CASP8: variants seen among roughly 807,000 people sequenced by gnomAD.
CASP8 encodes caspase 8.
A neutral mutation model predicts 46.3 loss-of-function variants in CASP8; 24 were observed. That is an observed-to-expected ratio of 0.52 (90% CI 0.38 to 0.73). The LOEUF (loss-of-function observed/expected upper bound fraction) is 0.73, where lower values mean the gene tolerates loss of function less well. Ranked by LOEUF, CASP8 falls within the 30% of genes least tolerant of loss-of-function variation. CASP8 has a pLI of 0.00. For missense variants in CASP8, 460 were observed against 559.0 expected (o/e 0.82, Z 1.79); for synonymous variants, 188 against 200.4 (o/e 0.94, Z 0.52).
chr2:201,256,307 G>A (rs561020103), upstream of CASP8, among the ~76,000 whole-genome samples: 43 of 152,346 alleles, frequency 2.8e-4, no homozygotes, highest in African/African-American at 8.9e-4. Context: ...CTGACTGAGC[G>A]TGGCCAAGTC....
intron 2 of CASP8, among the ~76,000 whole-genome samples, chr2:201,247,628 G>A (rs776838036): frequency 3.3e-4 from 50 of 150,398 alleles, no homozygotes; most frequent in Admixed American, 1.2e-3. Context: ...ACAAGCGTGT[G>A]CCACCATTCC....
chr2:201,277,585 A>G (rs934576089), intron 7 of CASP8: 2 of 286,128 alleles, frequency 7.0e-6, no homozygotes, highest in African/African-American at 2.3e-5. Context: ...AACTTTTGGA[A>G]ATAGTGTTTA....
chr2:201,248,975 T>C (rs6730749), intron 2 of CASP8, among the ~76,000 whole-genome samples: 14,838 of 152,208 alleles, frequency 0.097, 1,440 homozygotes, highest in African/African-American at 0.25. Context: ...CACTACAACC[T>C]CTGCCTCCTG....
At position 201,245,204 on chromosome 2, in the gene CASP8, C is replaced by G. The variant is rs568983058; in HGVS notation, c.-27+11092C>G. Among the ~76,000 whole-genome samples, 31 of 152,136 alleles carry G rather than the reference C, an allele frequency of 2.0e-4. No homozygotes were observed. The South Asian group carries it at 3.9e-3, about 19-fold the overall frequency. On this transcript the variant is annotated intron_variant, in intron 2 of 6. Coordinates refer to the CASP8 transcript ENST00000264274. ...AACCATCTAAGATCTGAAATTGTGT[C>G]ACCGATTGATTGACCTGACCTCACA...
chr2:201,266,512 A>G lies in CASP8; in HGVS notation c.26A>G (p.Asp9Gly), dbSNP rs1270676492. The G allele has an allele frequency of 1.9e-6, 3 of 1,614,136 alleles. No individual in the cohort carries two copies. The highest frequency in any genetic ancestry group is 3.3e-4 in the Middle Eastern group (2 of 6,062). Residue 9 changes from aspartate to glycine, a missense_variant, in exon 2 of 9, where the codon GAT becomes GGT. Physicochemically the swap from Asp to Gly is moderately conservative, Grantham distance 94. Coordinates refer to ENST00000673742, the MANE Select transcript of CASP8 (RefSeq NM_001372051.1). This position sits in a 1 kb window ranked among gnomAD's most constrained non-coding sequence, Gnocchi z 5.7. Reference protein sequence around the residue: MDFSRNLYDIGEQLDSEDL... With the variant: MDFSRNLYGIGEQLDSEDL... Reference sequence around the variant, plus strand: ...ATGGACTTCAGCAGAAATCTTTATGATATTGGGGAACAACTGGACAGTGAA... The same window carrying G: ...ATGGACTTCAGCAGAAATCTTTATGGTATTGGGGAACAACTGGACAGTGAA...
In CASP8 at chr2:201,272,061, G is replaced by A. The variant is rs1199169407; in HGVS notation, c.411+440G>A. Among the ~76,000 whole-genome samples, 1 of 151,926 alleles carries A rather than the reference G, an allele frequency of 6.6e-6. No individual in the cohort carries two copies. The highest frequency in any genetic ancestry group is 1.5e-5 in the Non-Finnish European group (1 of 67,958). ...ATTTGTGTGTGATATGTGTATCTCT[G>A]TGTGTCTCTGTATAAGTGGTGTGTG... is the stretch of plus-strand genomic sequence containing the variant. On this transcript the variant is annotated intron_variant, in intron 3 of 8. Transcript: ENST00000673742. This position sits in a 1 kb window ranked among gnomAD's most constrained non-coding sequence, Gnocchi z 4.4.
chr2:201,261,387 G>A (rs750173970), intron 1 of CASP8, among the ~76,000 whole-genome samples: 73 of 89,272 alleles, frequency 8.2e-4, no homozygotes, highest in Non-Finnish European at 1.1e-3. Context: ...GCGAAACTCC[G>A]TCTCAAAAAA....
intron 2 of CASP8, among the ~76,000 whole-genome samples, chr2:201,246,522 ATGTT>A (rs1374930619): frequency 6.6e-6 from 1 of 152,172 alleles, no homozygotes; most frequent in East Asian, 1.9e-4. Context: ...CAATCATCAA[ATGTT>A]TGGACAGAAA....
At chr2:201,257,863 C>T (rs1947099727), upstream of CASP8, 2 of 308,674 alleles carry the variant, frequency 6.5e-6, no homozygotes, top group Non-Finnish European at 1.3e-5. Flanking sequence ...TTACTTGCCA[C>T]CGACAGGGGT....
At chr2:201,276,622 A>T (rs551378439) in intron 6 of CASP8, among the ~76,000 whole-genome samples, 1 of 152,336 alleles carries the variant, frequency 6.6e-6, no homozygotes, top group African/African-American at 2.4e-5. Context: ...AGGCCCAGGT[A>T]TTGGGACACT....
At chr2:201,268,093 A>C (rs748421167) in intron 2 of CASP8, among the ~76,000 whole-genome samples, 1 of 151,960 alleles carries the variant, frequency 6.6e-6, no homozygotes, top group Non-Finnish European at 1.5e-5. Context: ...TGCCCAGCTA[A>C]TTTTGTATTT....
chr2:201,261,478 C>T (rs1947403847), intron 1 of CASP8, among the ~76,000 whole-genome samples: 1 of 151,866 alleles, frequency 6.6e-6, no homozygotes, highest in African/African-American at 2.4e-5. Flanking sequence ...CAATCAGAGA[C>T]CTGCACTTGT....
upstream of CASP8, among the ~76,000 whole-genome samples, chr2:201,256,917 G>A (rs1016605236): frequency 1.3e-5 from 2 of 152,110 alleles, no homozygotes; most frequent in African/African-American, 4.8e-5. Flanking sequence ...AGGCCGAGGC[G>A]GGTGGATCAC....
chr2:201,273,669 A>T (rs932446736), intron 5 of CASP8, among the ~76,000 whole-genome samples: 27 of 152,036 alleles, frequency 1.8e-4, no homozygotes, highest in African/African-American at 6.5e-4. Flanking sequence ...ATTTTGATTA[A>T]TCAAATAGTC....
At chr2:201,256,806 T>C (rs1947038641), upstream of CASP8, among the ~76,000 whole-genome samples, 1 of 152,146 alleles carries the variant, frequency 6.6e-6, no homozygotes, top group South Asian at 2.1e-4. Flanking sequence ...GGTGTTCTGG[T>C]TATAAAATGT....
chr2:201,266,889 C>A lies in CASP8; in HGVS notation c.305+98C>A. On this transcript the variant is annotated intron_variant, in intron 2 of 8. Transcript: ENST00000673742. This position sits in a 1 kb window ranked among gnomAD's most constrained non-coding sequence, Gnocchi z 5.7. The stretch of plus-strand genomic sequence containing the variant: ...TTTTTTGTGGTACCCTGCCTAGTGC[C>A]TGGGAACCCAGCAGTGCCACAATTC... The A allele has an allele frequency of 1.2e-6, 1 of 817,366 alleles. No homozygotes were observed. Among genetic ancestry groups the A allele is most frequent in the Non-Finnish European group, 1.9e-6 (1 of 523,410 alleles). 50.6% of individuals were successfully genotyped at this position (817,366 alleles called of 1,614,324 possible).
chr2:201,244,063 C>G (rs1003594287), intron 2 of CASP8, among the ~76,000 whole-genome samples: 16 of 152,200 alleles, frequency 1.1e-4, no homozygotes, highest in African/African-American at 3.9e-4. Flanking sequence ...GAAACATAGG[C>G]TACCCCATCA....
At chr2:201,276,757 G>T (rs1339836517) in intron 6 of CASP8, 70 bp from the exon 7 acceptor site, 2 of 1,607,080 alleles carry the variant, frequency 1.2e-6, no homozygotes, top group Non-Finnish European at 1.7e-6. Context: ...TCTTACTAGG[G>T]AGTTGTTTGT....
rs1294147397 is a variant in CASP8 at position 201,286,584 on chromosome 2, C to T, written c.1430C>T (p.Pro477Leu). ...TFTLRKKLVF[P>L]SD ...ACACTAAGAAAAAAACTTGTCTTCC[C>T]TTCTGATTGATGGTGCTATTTTGTT... Residue 477 changes from proline to leucine, a missense_variant, in exon 9 of 9, where the codon CCT (proline) becomes CTT (leucine). Pro to Leu is a moderately conservative substitution (Grantham distance 98). Coordinates refer to ENST00000673742, the MANE Select transcript of CASP8 (RefSeq NM_001372051.1). 12 of 1,613,692 alleles carry T rather than the reference C, an allele frequency of 7.4e-6. No individual in the cohort carries two copies. Among genetic ancestry groups the T allele is most frequent in the Admixed American group, 1.7e-5 (1 of 60,006 alleles).
Sources: gnomAD v4.1 joint callset for allele counts (sites outside exome capture counted in the v4.1 genomes callset) on GRCh38, gnomAD v4.1.1 for gene constraint, Gnocchi (gnomAD v3.1) non-coding constraint, MANE v1.5 for transcripts, NCBI Gene and HGNC (gene_info 2026-07-23, HGNC 2026-07-21) for gene names.